Variants in PDE4D observed in about 807,000 individuals in gnomAD.
PDE4D encodes the protein phosphodiesterase 4D.
A neutral mutation model predicts 87.4 loss-of-function variants in PDE4D; 24 were observed. The ratio of observed to expected loss-of-function variants is 0.27; its 90% CI spans 0.20 to 0.39. The LOEUF is 0.39. PDE4D is among the 10% of genes least tolerant of loss of function. The pLI, the probability that PDE4D is intolerant of heterozygous loss-of-function variation, is 1.00. For synonymous variants in PDE4D, 384 were observed against 383.2 expected (o/e 1.00, Z -0.02); for missense variants, 714 against 1,041.0 (o/e 0.69, Z 4.32).
At chr5:60,025,448 C>T (rs1026044905) in intron 2 of PDE4D, among the ~76,000 whole-genome samples, 1 of 152,112 alleles carries the variant, frequency 6.6e-6, no homozygotes, top group Non-Finnish European at 1.5e-5. Context: ...CCAAGTAAAG[C>T]AGACATAGTC....
chr5:60,017,187 G>T (rs1765605497), intron 2 of PDE4D, among the ~76,000 whole-genome samples: 1 of 152,282 alleles, frequency 6.6e-6, no homozygotes, highest in African/African-American at 2.4e-5. Flanking sequence ...GGTCTCAATA[G>T]TGGGCTTAAA....
rs538710887 is a variant in PDE4D, at chr5:60,176,032, T to C, written c.42+9525A>G. On this transcript the variant is annotated intron_variant, in intron 2 of 16. Transcript: ENST00000502484. ...ACTCTTTTGTTCCACTGGGAAATGGTTGTGGGTTTGAAGGTGGCTGCTGTT... is the reference window on the plus strand; with the variant it reads ...ACTCTTTTGTTCCACTGGGAAATGGCTGTGGGTTTGAAGGTGGCTGCTGTT... Among the ~76,000 whole-genome samples, 6 of 152,228 alleles carry C rather than the reference T, an allele frequency of 3.9e-5. No homozygotes were observed. In the East Asian group the frequency reaches 5.8e-4, roughly 15 times the overall value.
At chr5:59,029,677 A>G in intron 6 of PDE4D, among the ~76,000 whole-genome samples, 1 of 152,136 alleles carries the variant, frequency 6.6e-6, no homozygotes, top group South Asian at 2.1e-4. Flanking sequence ...TTTCACAGAA[A>G]TAGAGAAAAA....
chr5:60,364,329 G>A (rs1178594236), intron 1 of PDE4D, among the ~76,000 whole-genome samples: 1 of 152,136 alleles, frequency 6.6e-6, no homozygotes, highest in African/African-American at 2.4e-5. Flanking sequence ...TACTTTAGAG[G>A]GTAGACAGTA....
chr5:59,640,403 T>G (rs1481666227), intron 1 of PDE4D, among the ~76,000 whole-genome samples: 1 of 152,230 alleles, frequency 6.6e-6, no homozygotes, highest in African/African-American at 2.4e-5. Context: ...TTATTGCCTG[T>G]TCTTTCTCTT....
At chr5:60,372,942 G>A (rs1468665722) in intron 1 of PDE4D, among the ~76,000 whole-genome samples, 1 of 152,144 alleles carries the variant, frequency 6.6e-6, no homozygotes, top group African/African-American at 2.4e-5. Flanking sequence ...GCAGTGAGAT[G>A]GAAAAAAACT....
chr5:60,278,206 T>C (rs986548507), intron 1 of PDE4D, among the ~76,000 whole-genome samples: 8 of 151,998 alleles, frequency 5.3e-5, no homozygotes, highest in Non-Finnish European at 1.2e-4. Context: ...ACAATTCTTA[T>C]CTTTCAGCAC....
intron 5 of PDE4D, among the ~76,000 whole-genome samples, chr5:59,044,965 A>T (rs1192032324): frequency 6.6e-6 from 1 of 152,174 alleles, no homozygotes. Flanking sequence ...CTCAACATTT[A>T]TTTAGCACTG....
chr5:59,541,886 G>T (rs1188462104), intron 1 of PDE4D, among the ~76,000 whole-genome samples: 2 of 152,014 alleles, frequency 1.3e-5, no homozygotes, highest in Non-Finnish European at 2.9e-5. Context: ...CTGGATCTAG[G>T]GGTGACTGCT....
chr5:59,241,299 T>C (rs1465622163), intron 1 of PDE4D, among the ~76,000 whole-genome samples: 2 of 152,186 alleles, frequency 1.3e-5, no homozygotes, highest in African/African-American at 4.8e-5. Context: ...GGTCCAGCCA[T>C]GTCCCTGTTC....
intron 1 of PDE4D, among the ~76,000 whole-genome samples, chr5:59,244,497 C>T (rs1758357539): frequency 6.7e-6 from 1 of 149,416 alleles, no homozygotes; most frequent in African/African-American, 2.5e-5. Flanking sequence ...CATATATATC[C>T]TATTATGTGC....
rs1289062742 is a variant in PDE4D, at chr5:59,547,888, A to G, written c.456-331920T>C. Among the ~76,000 whole-genome samples, 3 of 152,280 alleles carry G rather than the reference A, an allele frequency of 2.0e-5. No individual in the cohort carries two copies. The East Asian group carries it at 5.8e-4, about 29-fold the overall frequency. ...TGACTCAAGGTTGACCTGTAATCCA[A>G]GTGCACACGTTTCAAGTCAGCCCTG... On this transcript the variant is annotated intron_variant, in intron 1 of 14. Transcript: ENST00000340635.
In PDE4D at chr5:59,367,520, T is replaced by A. The variant is rs554526773; in HGVS notation, c.456-151552A>T. ...TTTTCCCACCAGGAATTTTAGGTTT[T>A]TAGTTGATTAGACTTCAAACAAAGG... is the stretch of plus-strand genomic sequence containing the variant. On this transcript the variant is annotated intron_variant, in intron 1 of 14. Coordinates refer to ENST00000340635, the MANE Select transcript of PDE4D (RefSeq NM_001104631.2). 1.2e-4 allele frequency among the ~76,000 whole-genome samples: 19 copies of A among 152,314 alleles called. No individual in the cohort carries two copies. In the South Asian group the frequency reaches 1.5e-3, roughly 12 times the overall value.
chr5:59,440,307 T>C (rs1176527485), intron 1 of PDE4D, among the ~76,000 whole-genome samples: 1 of 152,226 alleles, frequency 6.6e-6, no homozygotes, highest in East Asian at 1.9e-4. Context: ...CCTAAGACCT[T>C]ACTAACTACC....
At chr5:60,110,131 A>C (rs1047521370) in intron 2 of PDE4D, among the ~76,000 whole-genome samples, 2 of 152,128 alleles carry the variant, frequency 1.3e-5, no homozygotes, top group African/African-American at 4.8e-5. Context: ...TTTGGCTAAG[A>C]CTTCAGAGGC....
intron 1 of PDE4D, among the ~76,000 whole-genome samples, chr5:59,885,929 A>G (rs1322174787): frequency 6.6e-6 from 1 of 152,234 alleles, no homozygotes; most frequent in Non-Finnish European, 1.5e-5. Flanking sequence ...ATCTTTGAAC[A>G]TGAATATGTG....
chr5:59,768,555 G>C, intron 1 of PDE4D: 1 of 1,590,472 alleles, frequency 6.3e-7, no homozygotes, highest in African/African-American at 1.3e-5. Flanking sequence ...AGGGCAACGT[G>C]GTTCCCTCGC....
rs1581101073 is a variant in PDE4D, at chr5:59,785,981, T to C, written c.455+107187A>G. On this transcript the variant is annotated intron_variant, in intron 1 of 14. Transcript: ENST00000340635. Reference sequence around the variant, plus strand: ...TTTGTTGAGTGCCAGCTCTCTGCAGTGAGAATGGTTGGGGGGTGAGGGTGG... The same window carrying C: ...TTTGTTGAGTGCCAGCTCTCTGCAGCGAGAATGGTTGGGGGGTGAGGGTGG... 2.7e-5 allele frequency among the ~76,000 whole-genome samples: 4 copies of C among 146,308 alleles called. 1 individual carries two copies. The highest frequency in any genetic ancestry group is 1.0e-4 in the African/African-American group (4 of 39,696).
At chr5:60,060,404 T>A (rs903828501) in intron 2 of PDE4D, among the ~76,000 whole-genome samples, 2 of 152,078 alleles carry the variant, frequency 1.3e-5, no homozygotes, top group African/African-American at 4.8e-5. Flanking sequence ...CTAAAGCAAC[T>A]CCATCTTCAT....
Sources: allele counts gnomAD v4.1 joint callset (sites outside exome capture counted in the v4.1 genomes callset), GRCh38; gene constraint gnomAD v4.1.1; transcripts MANE v1.5; gene names NCBI Gene and HGNC (gene_info 2026-07-23, HGNC 2026-07-21).